FREM1: variants seen among roughly 807,000 people sequenced by gnomAD.
FREM1 encodes FRAS1 related extracellular matrix 1, also known as FRAS1-related extracellular matrix protein 1.
FREM1 carries 220 observed loss-of-function variants against 210.1 expected under a neutral mutation model. The observed-to-expected ratio is 1.05, with a 90% CI of 0.94 to 1.17. FREM1 has a LOEUF of 1.17. Ranked by LOEUF, FREM1 falls within the 50% of genes most tolerant of loss-of-function variation. FREM1 has a pLI of 0.00. For synonymous variants in FREM1, 1,189 were observed against 980.2 expected (o/e 1.21, Z -3.98); for missense variants, 3,454 against 2,675.5 (o/e 1.29, Z -6.42).
intron 1 of FREM1, among the ~76,000 whole-genome samples, chr9:14,872,983 G>A (rs1481117745): frequency 4.5e-4 from 68 of 150,662 alleles, no homozygotes; most frequent in African/African-American, 1.1e-3. Flanking sequence ...ATTGATTTGC[G>A]TATATTGAAC....
chr9:14,871,286 T>G (rs1321568088), intron 1 of FREM1, among the ~76,000 whole-genome samples: 1 of 152,226 alleles, frequency 6.6e-6, no homozygotes, highest in Non-Finnish European at 1.5e-5. Context: ...GTAAAAGTTT[T>G]CCTATTTCTC....
At chr9:14,827,348 T>C (rs1434077330) in intron 10 of FREM1, among the ~76,000 whole-genome samples, 3 of 152,226 alleles carry the variant, frequency 2.0e-5, no homozygotes. Flanking sequence ...CTTGGCTAAA[T>C]GGTGCCTGTG....
At chr9:14,755,856 T>C (rs944542677) in intron 29 of FREM1, among the ~76,000 whole-genome samples, 1 of 152,226 alleles carries the variant, frequency 6.6e-6, no homozygotes, top group Non-Finnish European at 1.5e-5. Context: ...GCCTTTTTTA[T>C]TTCCACTTGC....
At chr9:14,740,086 G>A in intron 36 of FREM1, 63 bp downstream of exon 36, 1 of 998,852 alleles carries the variant, frequency 1.0e-6, no homozygotes, top group South Asian at 1.4e-5. Context: ...GCAGGGTGGT[G>A]GTGCCTGTTT....
chr9:14,834,709 T>A (rs970899948), intron 10 of FREM1, among the ~76,000 whole-genome samples: 1 of 152,298 alleles, frequency 6.6e-6, no homozygotes, highest in East Asian at 1.9e-4. Context: ...CTGACATATT[T>A]AGTCACATGA....
In FREM1 at chr9:14,806,895, A is replaced by T. The variant is rs1304864870; in HGVS notation, c.3089-49T>A. On this transcript the variant is annotated intron_variant, in intron 17 of 36. Transcript: ENST00000380880. ...TACAACTTAGCATGAAATCCTCTAA[A>T]CAGACTGGGTAGGACAAAATGCAGT... 7 of 1,258,734 alleles carry T rather than the reference A, an allele frequency of 5.6e-6. No individual in the cohort carries two copies. The South Asian group carries it at 6.0e-5, about 11-fold the overall frequency. The allele number at this position is 1,258,734 out of a possible 1,614,324, so 78.0% of individuals were successfully genotyped here. A position where few individuals can be genotyped will look rare whatever the true frequency, so the allele number is the denominator to read the frequency against.
chr9:14,903,648 C>T (rs1030977216), intron 1 of FREM1, among the ~76,000 whole-genome samples: 11 of 152,128 alleles, frequency 7.2e-5, no homozygotes, highest in African/African-American at 2.7e-4. Context: ...TCACATCCTA[C>T]CTGGTAGTGT....
At chr9:14,751,336 T>A (rs1843346075) in intron 29 of FREM1, among the ~76,000 whole-genome samples, 1 of 152,134 alleles carries the variant, frequency 6.6e-6, no homozygotes, top group South Asian at 2.1e-4. Context: ...TTAAACTTTT[T>A]AAAAAGTCTT....
chr9:14,747,783 A>G (rs1193404164), intron 31 of FREM1, 55 bp from the exon 32 acceptor site: 1 of 1,036,554 alleles, frequency 9.6e-7, no homozygotes, highest in Non-Finnish European at 1.4e-6. Flanking sequence ...AATAACTAGC[A>G]ATAGGGTAAA....
chr9:14,748,594 G>A lies in FREM1; in HGVS notation c.5603C>T (p.Thr1868Ile), dbSNP rs375631654. 51 of 1,613,828 alleles carry A rather than the reference G, an allele frequency of 3.2e-5. 1 individual carries two copies. The African/African-American group carries it at 6.0e-4, about 19-fold the overall frequency. Reference protein sequence around the residue: ...SYSSNQSKHSTWEKGIWHLLP... With the variant: ...SYSSNQSKHSIWEKGIWHLLP... The stretch of plus-strand genomic sequence containing the variant: ...CAGATGCCAAATGCCCTTCTCCCAT[G>A]TGCTGTGCTTGCTTTGGTTGGAGGA... Residue 1868 changes from threonine to isoleucine, a missense_variant, in exon 31 of 37, where the codon ACA (threonine) becomes ATA (isoleucine). Thr to Ile is a moderately conservative substitution (Grantham distance 89). Transcript: ENST00000380880.
intron 1 of FREM1, among the ~76,000 whole-genome samples, chr9:14,879,082 G>A (rs1007433852): frequency 1.9e-4 from 29 of 151,224 alleles, no homozygotes; most frequent in Admixed American, 1.9e-3. Context: ...ACTTGAACCT[G>A]GGAGGCGGAG....
At chr9:14,746,682 G>C (rs2131989623) in intron 34 of FREM1, among the ~76,000 whole-genome samples, 1 of 152,280 alleles carries the variant, frequency 6.6e-6, no homozygotes, top group East Asian at 1.9e-4. Flanking sequence ...TTACAACTTT[G>C]ACACTCTGAT....
Position 14,750,281 on chromosome 9 carries a change from A to G in FREM1, c.5408-5T>C. 6.2e-7 allele frequency: 1 copy of G among 1,602,790 alleles called. No individual in the cohort carries two copies. The highest frequency in any genetic ancestry group is 1.1e-5 in the South Asian group (1 of 89,404). On this transcript the variant is annotated splice_polypyrimidine_tract_variant and splice_region_variant and intron_variant, in intron 29 of 36. Transcript: ENST00000380880. ...TCCACATCTTAGTTGACATTCCTAC[A>G]AGAAGTAAACATTTTAATTACTCTT... is the stretch of plus-strand genomic sequence containing the variant.
chr9:14,778,705 G>C (rs192469576), intron 24 of FREM1, among the ~76,000 whole-genome samples: 35 of 64,008 alleles, frequency 5.5e-4, no homozygotes, highest in African/African-American at 1.7e-3. Flanking sequence ...GAAGGGAAGG[G>C]AAGGGAAGGG....
chr9:14,756,841 G>A (rs1185412322), intron 28 of FREM1, among the ~76,000 whole-genome samples: 1 of 152,132 alleles, frequency 6.6e-6, no homozygotes, highest in African/African-American at 2.4e-5. Context: ...TTGATGAGGA[G>A]AAGAAAAAGC....
intron 10 of FREM1, among the ~76,000 whole-genome samples, chr9:14,825,561 A>ATATATATATATATATATATG (rs757382702): frequency 2.3e-4 from 30 of 129,166 alleles, no homozygotes; most frequent in African/African-American, 8.1e-4. Context: ...ATATATATAT[A>ATATATATATATATATATATG]TATATATATA....
At chr9:14,792,653 G>C (rs1171795906) in intron 22 of FREM1, 90 bp downstream of exon 22, 11 of 992,522 alleles carry the variant, frequency 1.1e-5, no homozygotes, top group African/African-American at 1.6e-5. Flanking sequence ...ATGTCTATCA[G>C]AGAATAAATC....
intron 1 of FREM1, among the ~76,000 whole-genome samples, chr9:14,872,351 T>C (rs980451141): frequency 2.0e-5 from 3 of 152,132 alleles, no homozygotes; most frequent in Non-Finnish European, 1.5e-5. Flanking sequence ...CATTGAGCAG[T>C]GGTTTGTAGT....
chr9:14,745,407 T>G (rs1305861307), intron 35 of FREM1, among the ~76,000 whole-genome samples: 1 of 152,232 alleles, frequency 6.6e-6, no homozygotes, highest in Admixed American at 6.5e-5. Flanking sequence ...TTTCATTTAT[T>G]TATTGACCAA....
Sources: allele counts gnomAD v4.1 joint callset (sites outside exome capture counted in the v4.1 genomes callset), GRCh38; gene constraint gnomAD v4.1.1; transcripts MANE v1.5; gene names NCBI Gene and HGNC (gene_info 2026-07-23, HGNC 2026-07-21).